FYN: variants seen among roughly 807,000 people sequenced by gnomAD.
FYN encodes the protein FYN proto-oncogene, Src family tyrosine kinase, also known as tyrosine-protein kinase Fyn.
FYN carries 10 observed loss-of-function variants against 70.2 expected under a neutral mutation model. The observed-to-expected ratio is 0.14, with a 90% CI of 0.09 to 0.24. The LOEUF is 0.24. Ranked by LOEUF, FYN falls within the 10% of genes least tolerant of loss-of-function variation. The probability of loss-of-function intolerance (pLI) is 1.00; values close to 1 mark genes in which losing one functional copy is unlikely to be tolerated. For synonymous variants in FYN, 236 were observed against 248.6 expected, an observed-to-expected ratio of 0.95 and a Z score of 0.48; for missense variants, 319 against 673.1, an observed-to-expected ratio of 0.47 and a Z score of 5.82.
At chr6:111,782,069 G>A (rs567043320) in intron 2 of FYN, among the ~76,000 whole-genome samples, 44 of 152,148 alleles carry the variant, frequency 2.9e-4, no homozygotes, top group Non-Finnish European at 6.3e-4. Flanking sequence ...TCGGCCCCCT[G>A]AATTACATGC....
intron 3 of FYN, among the ~76,000 whole-genome samples, chr6:111,753,572 G>A (rs1583408135): frequency 2.0e-5 from 3 of 152,006 alleles, no homozygotes; most frequent in Non-Finnish European, 2.9e-5. Context: ...TATCTTGGTA[G>A]GCTGGAGTAT....
chr6:111,662,847 C>G (rs1013979336), intron 13 of FYN, among the ~76,000 whole-genome samples: 1 of 152,192 alleles, frequency 6.6e-6, no homozygotes, highest in African/African-American at 2.4e-5. Context: ...GGAGATAGAC[C>G]ATGTCCGGGG....
chr6:111,681,450 C>T (rs1442186090), intron 12 of FYN, among the ~76,000 whole-genome samples: 5 of 152,144 alleles, frequency 3.3e-5, no homozygotes, highest in Non-Finnish European at 7.4e-5. Context: ...TGTGAGCCAC[C>T]GTGCCTGACC....
intron 12 of FYN, among the ~76,000 whole-genome samples, chr6:111,690,899 G>A (rs530260032): frequency 6.6e-6 from 1 of 152,254 alleles, no homozygotes; most frequent in South Asian, 2.1e-4. Context: ...TGACTGTCGT[G>A]CAGTCTTAGG....
chr6:111,838,088 G>A (rs1426645003), intron 2 of FYN, among the ~76,000 whole-genome samples: 3 of 152,166 alleles, frequency 2.0e-5, no homozygotes, highest in African/African-American at 7.2e-5. Context: ...AGGAGGATCA[G>A]TCTTTAGTAG....
chr6:111,822,119 C>A (rs1349993921), intron 2 of FYN, among the ~76,000 whole-genome samples: 1 of 152,194 alleles, frequency 6.6e-6, no homozygotes, highest in East Asian at 1.9e-4. Context: ...ACCCAGCCAT[C>A]CCATTACTGG....
At chr6:111,667,853 G>A (rs983707873) in intron 13 of FYN, among the ~76,000 whole-genome samples, 5 of 152,304 alleles carry the variant, frequency 3.3e-5, no homozygotes, top group East Asian at 1.9e-4. Context: ...AGTGTTACCC[G>A]TCCATGTTTG....
In FYN at chr6:111,739,827, G is replaced by A. The variant is rs1801876271; in HGVS notation, c.-11-19765C>T. Among the ~76,000 whole-genome samples the A allele has an allele frequency of 2.6e-5, 4 of 152,262 alleles. No individual in the cohort carries two copies. In the South Asian group the frequency reaches 8.3e-4, roughly 32 times the overall value. ...AGTTACTGATACTTGACAATCTTTT[G>A]TTGTTGTTGTTGTTAAGATGGAGTC... On this transcript the variant is annotated intron_variant, in intron 3 of 13. Transcript: ENST00000354650.
chr6:111,775,256 C>G (rs142700468), intron 3 of FYN, among the ~76,000 whole-genome samples: 1 of 152,326 alleles, frequency 6.6e-6, no homozygotes, highest in East Asian at 1.9e-4. Context: ...CAGATAAAAA[C>G]TACAGCATAG....
chr6:111,749,270 G>T (rs1258944900), intron 3 of FYN, among the ~76,000 whole-genome samples: 38 of 152,146 alleles, frequency 2.5e-4, no homozygotes, highest in Admixed American at 2.5e-3. Flanking sequence ...TCTCTCACAT[G>T]TGACATGCCT....
At chr6:111,811,183 C>T (rs984561113) in intron 2 of FYN, among the ~76,000 whole-genome samples, 1 of 152,152 alleles carries the variant, frequency 6.6e-6, no homozygotes, top group Non-Finnish European at 1.5e-5. Flanking sequence ...ACACAAGATA[C>T]AGAAAGTTTT....
At chr6:111,692,161 T>C (rs908398089) in intron 12 of FYN, among the ~76,000 whole-genome samples, 15 of 147,032 alleles carry the variant, frequency 1.0e-4, no homozygotes, top group Admixed American at 2.0e-4. Flanking sequence ...TTTCTAGTGT[T>C]TGGCATGGAT....
At chr6:111,781,285 T>G (rs190593592) in intron 2 of FYN, among the ~76,000 whole-genome samples, 389 of 152,230 alleles carry the variant, frequency 2.6e-3, no homozygotes, top group Non-Finnish European at 4.1e-3. Context: ...CTGCAAACCT[T>G]GGCCCAGTCC....
chr6:111,666,605 GGCAGACC>G (rs1240631687), intron 13 of FYN, among the ~76,000 whole-genome samples: 1 of 152,212 alleles, frequency 6.6e-6, no homozygotes, highest in Non-Finnish European at 1.5e-5. Context: ...AGCTGAGGCA[GGCAGACC>G]GCTTGAGCTC....
At chr6:111,701,529 A>C (rs1011909705) in intron 8 of FYN, among the ~76,000 whole-genome samples, 2 of 152,234 alleles carry the variant, frequency 1.3e-5, no homozygotes, top group African/African-American at 2.4e-5. Context: ...GGGAAAGCCA[A>C]TATAAAAACA....
intron 2 of FYN, among the ~76,000 whole-genome samples, chr6:111,787,112 T>C (rs1771420982): frequency 6.6e-6 from 1 of 152,236 alleles, no homozygotes; most frequent in Non-Finnish European, 1.5e-5. Flanking sequence ...GCCATTGCTT[T>C]TGGTGTTTTA....
chr6:111,737,734 A>T (rs1366696115), intron 3 of FYN, among the ~76,000 whole-genome samples: 1 of 152,156 alleles, frequency 6.6e-6, no homozygotes, highest in Non-Finnish European at 1.5e-5. Flanking sequence ...AAAGACTGGG[A>T]GATAAGGCTC....
chr6:111,867,805 T>C (rs1774158085), intron 1 of FYN, among the ~76,000 whole-genome samples: 1 of 152,220 alleles, frequency 6.6e-6, no homozygotes, highest in Non-Finnish European at 1.5e-5. Context: ...AGGCCCATAC[T>C]GTGGCCAGAT....
At chr6:111,750,514 A>T (rs934048357) in intron 3 of FYN, among the ~76,000 whole-genome samples, 8 of 152,184 alleles carry the variant, frequency 5.3e-5, no homozygotes, top group African/African-American at 1.9e-4. Flanking sequence ...ACTCAGTCTC[A>T]GGTATTTCTT....
Sources: gnomAD v4.1 joint callset for allele counts (sites outside exome capture counted in the v4.1 genomes callset) on GRCh38, gnomAD v4.1.1 for gene constraint, MANE v1.5 for transcripts, NCBI Gene and HGNC (gene_info 2026-07-23, HGNC 2026-07-21) for gene names.